CD1A: variants seen among roughly 807,000 people sequenced by gnomAD.
The protein encoded by CD1A is CD1a molecule, also known as T-cell surface glycoprotein CD1a.
In CD1A, 50 loss-of-function variants were observed where a neutral mutation model predicts 38.3. That is an observed-to-expected ratio of 1.30 (90% CI 1.04 to 1.65). The LOEUF (loss-of-function observed/expected upper bound fraction) is 1.65. CD1A is among the 40% of genes most tolerant of loss of function. The pLI is 0.00. For synonymous variants in CD1A, 160 were observed against 150.8 expected, an observed-to-expected ratio of 1.06 and a Z score of -0.45; for missense variants, 459 against 406.1, an observed-to-expected ratio of 1.13 and a Z score of -1.12.
chr1:158,256,996 A>T lies in CD1A; in HGVS notation c.815A>T (p.Glu272Val). 1 of 1,614,114 alleles carries T rather than the reference A, an allele frequency of 6.2e-7. No homozygotes were observed. Among genetic ancestry groups the T allele is most frequent in the Non-Finnish European group, 8.5e-7 (1 of 1,180,020 alleles). The change falls in exon 4 of 6, where the codon GAG becomes GTG. Residue 272 changes from glutamate to valine, a missense_variant. Transcript: ENST00000289429. ...GCAACCCTGGAGGTGGCCGCTGGGG[A>T]GGCAGCTGACCTGTCCTGTCGGGTG... ...LRATLEVAAG[E>V]AADLSCRVKH...
At chr1:158,253,925 A>T (rs1650149884), upstream of CD1A, among the ~76,000 whole-genome samples, 1 of 151,128 alleles carries the variant, frequency 6.6e-6, no homozygotes. Flanking sequence ...GTGTACCAAG[A>T]TGCTTGACTC....
Position 158,256,056 on chromosome 1 carries a change from C to A in CD1A, c.378C>A (p.Val126=). The change falls in exon 3 of 6, where the codon GTC becomes GTA. Residue 126 remains valine (V), a synonymous_variant. Coordinates refer to ENST00000289429, the MANE Select transcript of CD1A (RefSeq NM_001763.3). ...TGGCELHSGK[V]SGSFLQLAYQ... ...GCTGTGAGCTGCACTCTGGAAAGGTCTCAGGAAGCTTCTTGCAGTTAGCTT... is the reference window on the plus strand; with the variant it reads ...GCTGTGAGCTGCACTCTGGAAAGGTATCAGGAAGCTTCTTGCAGTTAGCTT... The A allele has an allele frequency of 6.2e-7, 1 of 1,614,172 alleles. No individual in the cohort carries two copies. The highest frequency in any genetic ancestry group is 8.5e-7 in the Non-Finnish European group (1 of 1,180,020).
chr1:158,256,454 A>G (rs1324541852), intron 3 of CD1A, among the ~76,000 whole-genome samples, 172 bp downstream of exon 3: 1 of 152,108 alleles, frequency 6.6e-6, no homozygotes, highest in Non-Finnish European at 1.5e-5. Flanking sequence ...GGACTTCTTA[A>G]GGGCAGGAGT....
upstream of CD1A, among the ~76,000 whole-genome samples, chr1:158,252,113 G>A (rs1650105705): frequency 1.3e-5 from 2 of 150,312 alleles, no homozygotes; most frequent in Admixed American, 1.3e-4. Flanking sequence ...ACAGGTGTGA[G>A]CCACCGCACC....
At chr1:158,251,204 ATGTTCGTCTTCAT>A (rs1415720844), upstream of CD1A, among the ~76,000 whole-genome samples, 1 of 152,258 alleles carries the variant, frequency 6.6e-6, no homozygotes, top group Non-Finnish European at 1.5e-5. Context: ...GGATCATCAC[ATGTTCGTCTTCAT>A]TGTCTTCATG....
Position 158,257,464 on chromosome 1 carries a change from G to A in CD1A, c.927G>A (p.Val309=). The change falls in exon 5 of 6, where the codon GTG becomes GTA. Residue 309 remains valine (V), a synonymous_variant. Coordinates refer to ENST00000289429, the MANE Select transcript of CD1A (RefSeq NM_001763.3). The part of the protein sequence containing the change: ...SVGFIILAVI[V]PLLLLIGLAL... Reference sequence around the variant, plus strand: ...GCTTCATCATCTTGGCGGTGATAGTGCCTTTACTTCTTCTGATAGGTCTTG... The same window carrying A: ...GCTTCATCATCTTGGCGGTGATAGTACCTTTACTTCTTCTGATAGGTCTTG... 6 of 1,614,140 alleles carry A rather than the reference G, an allele frequency of 3.7e-6. No individual in the cohort carries two copies. The highest frequency in any genetic ancestry group is 5.1e-6 in the Non-Finnish European group (6 of 1,179,996).
chr1:158,250,701 C>G (rs1369442132), upstream of CD1A, among the ~76,000 whole-genome samples: 1 of 152,210 alleles, frequency 6.6e-6, no homozygotes, highest in Non-Finnish European at 1.5e-5. Context: ...ATTCCCTGCT[C>G]TTTGCATTAA....
intron 1 of CD1A, 54 bp downstream of exon 1, chr1:158,254,781 CTCTCTGTGTGTGTGTG>C (rs1202693564): frequency 9.6e-7 from 1 of 1,038,374 alleles, no homozygotes; most frequent in Non-Finnish European, 1.5e-6. Context: ...CTCTCTCTCT[CTCTCTGTGTGTGTGTG>C]TGTGTGTGTG....
chr1:158,256,997 G>A lies in CD1A; in HGVS notation c.816G>A (p.Glu272=), dbSNP rs1269009146. ...LRATLEVAAG[E]AADLSCRVKH... ...CAACCCTGGAGGTGGCCGCTGGGGAGGCAGCTGACCTGTCCTGTCGGGTGA... is the reference window on the plus strand; with the variant it reads ...CAACCCTGGAGGTGGCCGCTGGGGAAGCAGCTGACCTGTCCTGTCGGGTGA... Residue 272 remains glutamate, a synonymous_variant, in exon 4 of 6, where the codon GAG becomes GAA. Coordinates refer to ENST00000289429, the MANE Select transcript of CD1A (RefSeq NM_001763.3). The A allele has an allele frequency of 1.2e-6, 2 of 1,614,194 alleles. No homozygotes were observed. Among genetic ancestry groups the A allele is most frequent in the East Asian group, 4.5e-5 (2 of 44,862 alleles).
At chr1:158,254,377 GC>G, upstream of CD1A, 1 of 1,245,562 alleles carries the variant, frequency 8.0e-7, no homozygotes, top group African/African-American at 1.5e-5. Flanking sequence ...GCTTTTCAAT[GC>G]CACATCAGAC....
chr1:158,253,021 C>A (rs1053588477), upstream of CD1A, among the ~76,000 whole-genome samples: 1 of 152,078 alleles, frequency 6.6e-6, no homozygotes, highest in African/African-American at 2.4e-5. Context: ...TGCTTGAGGC[C>A]GGGAGTTGGA....
rs1650318377 is a variant in CD1A at position 158,257,954 on chromosome 1, A to G, written c.*264A>G. Reference sequence around the variant, plus strand: ...CTCCAGATGGAATGGGGTCCTAGCAACCTCCACATGTTCAACTATTAATGG... The same window carrying G: ...CTCCAGATGGAATGGGGTCCTAGCAGCCTCCACATGTTCAACTATTAATGG... On this transcript the variant is annotated 3_prime_UTR_variant, in exon 6 of 6. Transcript: ENST00000289429. 8.6e-6 allele frequency: 4 copies of G among 462,708 alleles called. No individual in the cohort carries two copies. The South Asian group carries it at 1.2e-4, about 14-fold the overall frequency. The allele number at this position is 462,708 out of a possible 1,614,324, so 28.7% of individuals were successfully genotyped here. A position where few individuals can be genotyped will look rare whatever the true frequency, so the allele number is the denominator to read the frequency against.
chr1:158,256,524 G>T (rs917357348), intron 3 of CD1A, among the ~76,000 whole-genome samples: 3 of 152,084 alleles, frequency 2.0e-5, no homozygotes, highest in Admixed American at 1.3e-4. Flanking sequence ...AAATAAGTTA[G>T]CCAGTCATGG....
chr1:158,257,913 TA>T lies in CD1A; in HGVS notation c.*226del, dbSNP rs57893929. The T allele has an allele frequency of 3.7e-6, 2 of 540,216 alleles. No homozygotes were observed. The highest frequency in any genetic ancestry group is 3.3e-5 in the Admixed American group (1 of 30,292). The allele number at this position is 540,216 out of a possible 1,614,324, so 33.5% of individuals were successfully genotyped here. ...GTTCTGACCTGGGTTCTGGGACTTTTAAATTCAAATTTTATCTCCAGATGGA... is the reference window on the plus strand; with the variant it reads ...GTTCTGACCTGGGTTCTGGGACTTTTAATTCAAATTTTATCTCCAGATGGA... On this transcript the variant is annotated 3_prime_UTR_variant, in exon 6 of 6. Transcript: ENST00000289429.
chr1:158,254,049 TTTTTTTTTTTTTTTTTTTTTTTTG>T, upstream of CD1A: 2 of 99,478 alleles, frequency 2.0e-5, no homozygotes, highest in African/African-American at 3.9e-5. Context: ...TTTTTTTTTT[TTTTTTTTTTTTTTTTTTTTTTTTG>T]TGATGGTTAC....
Position 158,257,790 on chromosome 1 carries a change from C to T in CD1A, c.*100C>T. On this transcript the variant is annotated 3_prime_UTR_variant, in exon 6 of 6. Coordinates refer to ENST00000289429, the MANE Select transcript of CD1A (RefSeq NM_001763.3). ...CCTGAACACATCGTGATGATGACGT[C>T]CTCTCAACTCTCTTTGTAAAAATTT... 6 of 965,042 alleles carry T rather than the reference C, an allele frequency of 6.2e-6. No individual in the cohort carries two copies. The highest frequency in any genetic ancestry group is 1.4e-5 in the South Asian group (1 of 70,016). 59.8% of individuals were successfully genotyped at this position (965,042 alleles called of 1,614,324 possible).
Position 158,256,294 on chromosome 1 carries a change from ACT to A in CD1A, c.604+16_604+17del. The A allele has an allele frequency of 6.2e-7, 1 of 1,604,828 alleles. No homozygotes were observed. ...TCTCCAGCGGCAAGGTCAGTCCTGC[ACT>A]CTCCCTCCAAGAAGTTTTGATTTGA... On this transcript the variant is annotated intron_variant, in intron 3 of 5. Transcript: ENST00000289429.
In CD1A at chr1:158,256,199, T is replaced by C. The variant is rs1650251745; in HGVS notation, c.521T>C (p.Ile174Thr). ...AATCAGAATCAGCATGAAAATGACA[T>C]AACACACAATCTTCTCAGTGACACC... ...VLNQNQHEND[I>T]THNLLSDTCP... Residue 174 changes from isoleucine (I) to threonine (T), a missense_variant, in exon 3 of 6, where the codon ATA (isoleucine) becomes ACA (threonine). Physicochemically the swap from Ile to Thr is moderately conservative, Grantham distance 89. Coordinates refer to ENST00000289429, the MANE Select transcript of CD1A (RefSeq NM_001763.3). 2 of 1,614,044 alleles carry C rather than the reference T, an allele frequency of 1.2e-6. No homozygotes were observed. The highest frequency in any genetic ancestry group is 4.5e-5 in the East Asian group (2 of 44,900).
In CD1A at chr1:158,256,884, G is replaced by A; in HGVS notation, c.703G>A (p.Val235Met). ...AGGATTCTACCCAAAGCCCGTGTGG[G>A]TGATGTGGATGCGGGGTGAGCAGGA... ...VSGFYPKPVW[V>M]MWMRGEQEQQ... The change falls in exon 4 of 6, where the codon GTG becomes ATG. Residue 235 changes from valine (V) to methionine (M), a missense_variant. Coordinates refer to ENST00000289429, the MANE Select transcript of CD1A (RefSeq NM_001763.3). The A allele has an allele frequency of 6.2e-7, 1 of 1,614,248 alleles. No individual in the cohort carries two copies. Among genetic ancestry groups the A allele is most frequent in the Non-Finnish European group, 8.5e-7 (1 of 1,180,044 alleles).
Sources: gnomAD v4.1 joint callset for allele counts (sites outside exome capture counted in the v4.1 genomes callset) on GRCh38, gnomAD v4.1.1 for gene constraint, MANE v1.5 for transcripts, NCBI Gene and HGNC (gene_info 2026-07-23, HGNC 2026-07-21) for gene names.